OXR1: variants seen among roughly 807,000 people sequenced by gnomAD.
The protein encoded by OXR1 is oxidation resistance 1.
OXR1 carries 41 observed loss-of-function variants against 104.6 expected under a neutral mutation model. The ratio of observed to expected loss-of-function variants is 0.39; its 90% confidence interval spans 0.31 to 0.51. OXR1 has a LOEUF of 0.51. OXR1 is among the 20% of genes least tolerant of loss of function. The pLI is 0.77. For synonymous variants in OXR1, 348 were observed against 348.4 expected, an observed-to-expected ratio of 1.00 and a Z score of 0.01; for missense variants, 955 against 1,031.9, an observed-to-expected ratio of 0.93 and a Z score of 1.02.
At chr8:106,482,566 G>A (rs564775530) in intron 2 of OXR1, among the ~76,000 whole-genome samples, 51 of 152,034 alleles carry the variant, frequency 3.4e-4, no homozygotes, top group Non-Finnish European at 6.3e-4. Context: ...ACAGTGTCCC[G>A]CATAGTTTTT....
rs3073753 is a variant in OXR1, at chr8:106,331,935, CA to C, written c.-138-27530del. Among the ~76,000 whole-genome samples the C allele has an allele frequency of 1.1e-3, 151 of 139,338 alleles. 1 individual carries two copies. Among genetic ancestry groups the C allele is most frequent in the South Asian group, 5.1e-3 (22 of 4,344 alleles). 91.4% of individuals were successfully genotyped at this position (139,338 alleles called of 152,430 possible). A position where few individuals can be genotyped will look rare whatever the true frequency, so the allele number is the denominator to read the frequency against. On this transcript the variant is annotated intron_variant, in intron 1 of 16. Transcript: ENST00000517566. Reference sequence around the variant, plus strand: ...CCTGGGTGACAGCGAGACTCTGTCTCAAAAAAAAAAATGATAATTCTTTTGG... The same window carrying C: ...CCTGGGTGACAGCGAGACTCTGTCTCAAAAAAAAAATGATAATTCTTTTGG...
intron 3 of OXR1, chr8:106,657,740 A>T: frequency 2.5e-6 from 2 of 797,544 alleles, no homozygotes; most frequent in Non-Finnish European, 3.3e-6. Context: ...TTTTGCATTT[A>T]GAAGCCACAA....
At chr8:106,733,651 A>G (rs1834095552) in intron 11 of OXR1, among the ~76,000 whole-genome samples, 1 of 151,890 alleles carries the variant, frequency 6.6e-6, no homozygotes, top group Non-Finnish European at 1.5e-5. Flanking sequence ...TACAAAAAAT[A>G]CAAAAATTAG....
At chr8:106,292,476 A>C (rs1812794284) in intron 1 of OXR1, among the ~76,000 whole-genome samples, 1 of 152,182 alleles carries the variant, frequency 6.6e-6, no homozygotes, top group Admixed American at 6.5e-5. Flanking sequence ...AGATGGAAAA[A>C]GCATTAAATT....
chr8:106,361,053 T>A (rs1008733935), intron 2 of OXR1, among the ~76,000 whole-genome samples: 4 of 152,156 alleles, frequency 2.6e-5, no homozygotes, highest in Admixed American at 1.3e-4. Flanking sequence ...ACTGCTTTGA[T>A]GTGATATGAG....
intron 2 of OXR1, among the ~76,000 whole-genome samples, chr8:106,415,881 G>C (rs920387154): frequency 3.3e-5 from 5 of 152,052 alleles, no homozygotes; most frequent in Admixed American, 3.3e-4. Flanking sequence ...ATGGCATCTT[G>C]GCTCATAGTA....
At chr8:106,549,244 A>AT (rs11420902) in intron 3 of OXR1, among the ~76,000 whole-genome samples, 56,385 of 144,048 alleles carry the variant, frequency 0.39, 11,329 homozygotes, top group South Asian at 0.47. Context: ...CATATCAAAC[A>AT]TTTTTTTTTT....
chr8:106,566,148 T>C (rs1290556906), intron 3 of OXR1, among the ~76,000 whole-genome samples: 1 of 152,116 alleles, frequency 6.6e-6, no homozygotes, highest in Non-Finnish European at 1.5e-5. Context: ...CTAAAGAGCT[T>C]CTGCTCAGCA....
At chr8:106,584,980 T>G (rs1818521945) in intron 3 of OXR1, among the ~76,000 whole-genome samples, 1 of 152,166 alleles carries the variant, frequency 6.6e-6, no homozygotes, top group Non-Finnish European at 1.5e-5. Flanking sequence ...TTCTTTAGTT[T>G]ATGTGGAACT....
intron 1 of OXR1, among the ~76,000 whole-genome samples, chr8:106,309,453 C>T (rs1252393038): frequency 6.6e-6 from 1 of 152,078 alleles, no homozygotes; most frequent in Admixed American, 6.5e-5. Flanking sequence ...GGAACCCACT[C>T]CAGGATACGT....
chr8:106,482,674 A>G (rs965157), intron 2 of OXR1, among the ~76,000 whole-genome samples: 16,403 of 152,092 alleles, frequency 0.11, 971 homozygotes, highest in African/African-American at 0.15. Flanking sequence ...TAGTTTGATG[A>G]GCATCAGATA....
At chr8:106,565,507 G>C (rs376809687) in intron 3 of OXR1, among the ~76,000 whole-genome samples, 1 of 152,130 alleles carries the variant, frequency 6.6e-6, no homozygotes, top group African/African-American at 2.4e-5. Flanking sequence ...AACGTTCCAT[G>C]CTCATGGATA....
At chr8:106,706,182 G>C (rs1831129927) in intron 8 of OXR1, among the ~76,000 whole-genome samples, 200 bp from the exon 9 acceptor site, 1 of 151,986 alleles carries the variant, frequency 6.6e-6, no homozygotes, top group South Asian at 2.1e-4. Flanking sequence ...TTAATTACTT[G>C]ATTTATAGAA....
chr8:106,486,495 CT>C (rs1810666107), intron 2 of OXR1, among the ~76,000 whole-genome samples: 1 of 152,018 alleles, frequency 6.6e-6, no homozygotes, highest in Non-Finnish European at 1.5e-5. Context: ...ACCTACTTGT[CT>C]TTTCTAAATT....
At chr8:106,424,261 A>G (rs1819021939) in intron 2 of OXR1, among the ~76,000 whole-genome samples, 1 of 152,180 alleles carries the variant, frequency 6.6e-6, no homozygotes, top group South Asian at 2.1e-4. Flanking sequence ...AAAAACTTAG[A>G]AAATACATGT....
chr8:106,614,128 A>G (rs1325697650), intron 3 of OXR1, among the ~76,000 whole-genome samples: 1 of 152,206 alleles, frequency 6.6e-6, no homozygotes, highest in African/African-American at 2.4e-5. Flanking sequence ...TCACATCTAT[A>G]ATTAGGAAAA....
intron 2 of OXR1, among the ~76,000 whole-genome samples, chr8:106,409,296 C>G (rs1165237649): frequency 1.3e-5 from 2 of 152,068 alleles, no homozygotes; most frequent in African/African-American, 4.8e-5. Context: ...AGGAGGCGAA[C>G]TTGGCCTGTC....
chr8:106,308,348 G>C (rs962280609), intron 1 of OXR1, among the ~76,000 whole-genome samples: 1 of 152,148 alleles, frequency 6.6e-6, no homozygotes, highest in South Asian at 2.1e-4. Flanking sequence ...TGGTGAAGTG[G>C]TGAAGTGATC....
chr8:106,647,884 A>C (rs573507025), intron 3 of OXR1, among the ~76,000 whole-genome samples: 3 of 152,286 alleles, frequency 2.0e-5, no homozygotes, highest in African/African-American at 7.2e-5. Flanking sequence ...TTAAGATCCA[A>C]TTGTTATTTT....
Sources: allele counts gnomAD v4.1 joint callset (sites outside exome capture counted in the v4.1 genomes callset), GRCh38; gene constraint gnomAD v4.1.1; transcripts MANE v1.5; gene names NCBI Gene and HGNC (gene_info 2026-07-23, HGNC 2026-07-21).